Variants in IGSF21 observed in about 807,000 individuals in gnomAD.
IGSF21 encodes immunoglobulin superfamily member 21.
Under a neutral mutation model 46.8 loss-of-function variants are expected in IGSF21, and 28 were observed. The observed-to-expected ratio is 0.60, with a 90% CI of 0.44 to 0.82. IGSF21 has a LOEUF of 0.82. IGSF21 is among the 40% of genes least tolerant of loss of function. The pLI, the probability that IGSF21 is intolerant of heterozygous loss-of-function variation, is 0.00. For synonymous variants in IGSF21, 284 were observed against 273.6 expected, an observed-to-expected ratio of 1.04 and a Z score of -0.38; for missense variants, 624 against 665.5, an observed-to-expected ratio of 0.94 and a Z score of 0.69.
intron 1 of IGSF21, among the ~76,000 whole-genome samples, chr1:18,196,897 G>C (rs1036917507): frequency 1.3e-5 from 2 of 152,248 alleles, no homozygotes; most frequent in Non-Finnish European, 1.5e-5. Context: ...AGAGACAAGT[G>C]GGGGAGCCGC....
intron 2 of IGSF21, among the ~76,000 whole-genome samples, chr1:18,268,905 C>T (rs542849518): frequency 1.5e-3 from 234 of 152,294 alleles, no homozygotes; most frequent in African/African-American, 5.4e-3. Context: ...AGTTGAAACA[C>T]ATATAGGACA....
intron 1 of IGSF21, among the ~76,000 whole-genome samples, chr1:18,208,342 C>A (rs1223178750): frequency 7.4e-6 from 1 of 135,072 alleles, no homozygotes; most frequent in African/African-American, 2.7e-5. Flanking sequence ...CCAAAGGTTT[C>A]GGGTTTTGGG....
intron 1 of IGSF21, among the ~76,000 whole-genome samples, chr1:18,123,235 T>C (rs2124409621): frequency 6.6e-6 from 1 of 152,368 alleles, no homozygotes; most frequent in Middle Eastern, 3.4e-3. Context: ...AAATATTTTT[T>C]AAAGACTAAT....
chr1:18,297,431 A>C (rs1181566750), intron 3 of IGSF21, among the ~76,000 whole-genome samples: 1 of 152,058 alleles, frequency 6.6e-6, no homozygotes, highest in Non-Finnish European at 1.5e-5. Context: ...GATGGAGATA[A>C]AGTGGTGAAC....
chr1:18,362,675 A>G (rs899522326), intron 5 of IGSF21, among the ~76,000 whole-genome samples: 4 of 152,184 alleles, frequency 2.6e-5, no homozygotes, highest in African/African-American at 7.2e-5. Context: ...AGGAGCCCAC[A>G]TGATCAGCAG....
chr1:18,362,583 G>T (rs76395594), intron 5 of IGSF21, among the ~76,000 whole-genome samples: 1 of 152,278 alleles, frequency 6.6e-6, no homozygotes, highest in South Asian at 2.1e-4. Context: ...AGGAAAAGGG[G>T]CTTGTCCCAA....
At chr1:18,113,337 C>T (rs2086159678) in intron 1 of IGSF21, 1 of 152,206 alleles carries the variant, frequency 6.6e-6, no homozygotes, top group Admixed American at 6.5e-5. Context: ...TTCACTAAGA[C>T]CCCCGGCTAA....
intron 6 of IGSF21, among the ~76,000 whole-genome samples, chr1:18,367,715 T>C (rs1231556068): frequency 6.7e-6 from 1 of 149,318 alleles, no homozygotes; most frequent in East Asian, 2.1e-4. Flanking sequence ...CAAGTGATTC[T>C]CCTGCCTCAG....
intron 1 of IGSF21, among the ~76,000 whole-genome samples, chr1:18,169,896 G>A (rs1570293937): frequency 6.6e-6 from 1 of 151,920 alleles, no homozygotes; most frequent in East Asian, 1.9e-4. Flanking sequence ...GTGGAGCAGG[G>A]TTTTTTGGCG....
chr1:18,113,341 C>G (rs897380756), intron 1 of IGSF21: 1 of 152,078 alleles, frequency 6.6e-6, no homozygotes, highest in African/African-American at 2.4e-5. Flanking sequence ...CTAAGACCCC[C>G]GGCTAAGATT....
chr1:18,266,645 C>A (rs1281370724), intron 2 of IGSF21, among the ~76,000 whole-genome samples: 1 of 152,262 alleles, frequency 6.6e-6, no homozygotes, highest in Non-Finnish European at 1.5e-5. Flanking sequence ...AGGCCATGCA[C>A]TGTCACTCAT....
chr1:18,165,767 T>C (rs2086672717), intron 1 of IGSF21, among the ~76,000 whole-genome samples: 1 of 152,276 alleles, frequency 6.6e-6, no homozygotes, highest in Non-Finnish European at 1.5e-5. Context: ...ATATTTGCCC[T>C]GGCATGTTTA....
intron 3 of IGSF21, among the ~76,000 whole-genome samples, chr1:18,333,418 A>G (rs948990728): frequency 3.3e-5 from 5 of 152,208 alleles, no homozygotes; most frequent in African/African-American, 1.2e-4. Flanking sequence ...CTCTCCCCAC[A>G]GAGCTTCGCA....
At chr1:18,156,084 C>G (rs187226324) in intron 1 of IGSF21, among the ~76,000 whole-genome samples, 1 of 152,212 alleles carries the variant, frequency 6.6e-6, no homozygotes, top group Non-Finnish European at 1.5e-5. Context: ...CTCTCACACG[C>G]GACAGGCTGG....
chr1:18,176,704 G>A (rs1184313288), intron 1 of IGSF21, among the ~76,000 whole-genome samples: 1 of 152,162 alleles, frequency 6.6e-6, no homozygotes, highest in Non-Finnish European at 1.5e-5. Context: ...TTGGTGAGGT[G>A]GGAGGAGTTC....
At position 18,150,178 on chromosome 1, in the gene IGSF21, A is replaced by G. The variant is rs116052931; in HGVS notation, c.70+41980A>G. 7.6e-3 allele frequency among the ~76,000 whole-genome samples: 1,161 copies of G among 152,246 alleles called. 10 individuals are homozygous for G. The highest frequency in any genetic ancestry group is 0.026 in the African/African-American group (1,090 of 41,536). The stretch of plus-strand genomic sequence containing the variant: ...TGAGGTGGGAGGATTGCTTCAGCCC[A>G]GGAGCTCAAGGCTGCAGTGAGCTAT... On this transcript the variant is annotated intron_variant, in intron 1 of 9. Coordinates refer to ENST00000251296, the MANE Select transcript of IGSF21 (RefSeq NM_032880.5).
At chr1:18,108,561 A>G (rs1372576602) in intron 1 of IGSF21, among the ~76,000 whole-genome samples, 2 of 150,566 alleles carry the variant, frequency 1.3e-5, no homozygotes, top group East Asian at 2.0e-4. Flanking sequence ...GAGGGTCTGG[A>G]TGGGTGTTAG....
At chr1:18,333,041 G>C (rs565575755) in intron 3 of IGSF21, among the ~76,000 whole-genome samples, 1 of 152,182 alleles carries the variant, frequency 6.6e-6, no homozygotes, top group African/African-American at 2.4e-5. Flanking sequence ...GTGTGTCCAG[G>C]AGGCTGAAGG....
chr1:18,276,153 C>T (rs2085100937), intron 2 of IGSF21, among the ~76,000 whole-genome samples: 1 of 152,224 alleles, frequency 6.6e-6, no homozygotes, highest in Non-Finnish European at 1.5e-5. Flanking sequence ...CACACTTCCT[C>T]TTGCAAAGGT....
Sources: allele counts gnomAD v4.1 joint callset (sites outside exome capture counted in the v4.1 genomes callset), GRCh38; gene constraint gnomAD v4.1.1; transcripts MANE v1.5; gene names NCBI Gene and HGNC (gene_info 2026-07-23, HGNC 2026-07-21).